The following STK33 variants were observed in gnomAD, a reference collection of about 807,000 sequenced individuals.
STK33 encodes the protein serine/threonine-protein kinase 33.
In STK33, 52 loss-of-function variants were observed where a neutral mutation model predicts 58.0. That is an observed-to-expected ratio of 0.90 (90% CI 0.72 to 1.13). STK33 has a LOEUF of 1.13. Ranked by LOEUF, STK33 falls within the 50% of genes most tolerant of loss-of-function variation. The pLI, the probability that STK33 is intolerant of heterozygous loss-of-function variation, is 0.00. For synonymous variants in STK33, 215 were observed against 200.1 expected (o/e 1.07, Z -0.63); for missense variants, 630 against 604.2 (o/e 1.04, Z -0.45).
At position 8,480,442 on chromosome 11, in the gene STK33, G is replaced by T. The variant is rs577734693; in HGVS notation, c.-293C>A. On this transcript the variant is annotated 5_prime_UTR_variant, in exon 2 of 16. Transcript: ENST00000687296. ...GTAGAGATTTCAATATTATAATGGG[G>T]ATCCAGATCAGACCAAACCAGTTAC... 6.6e-6 allele frequency: 1 copy of T among 152,280 alleles called. No homozygotes were observed. Among genetic ancestry groups the T allele is most frequent in the Admixed American group, 6.5e-5 (1 of 15,288 alleles). 9.4% of individuals were successfully genotyped at this position (152,280 alleles called of 1,614,324 possible). A position where few individuals can be genotyped will look rare whatever the true frequency, so the allele number is the denominator to read the frequency against.
chr11:8,354,513 CA>C, the STK33 span, among the ~76,000 whole-genome samples: 6 of 144,018 alleles, frequency 4.2e-5, no homozygotes, highest in African/African-American at 1.5e-4. Flanking sequence ...CACACACACA[CA>C]CACCCCTCAG....
chr11:8,574,524 C>T (rs1190818810), intron 1 of STK33, among the ~76,000 whole-genome samples: 3 of 152,070 alleles, frequency 2.0e-5, no homozygotes, highest in Non-Finnish European at 4.4e-5. Context: ...CCCATATAGC[C>T]TTGCTAGTGA....
At chr11:8,503,111 T>C (rs1018354741) in intron 1 of STK33, among the ~76,000 whole-genome samples, 3 of 152,172 alleles carry the variant, frequency 2.0e-5, no homozygotes, top group Admixed American at 6.5e-5. Flanking sequence ...ATCCCATTAT[T>C]AGGTATACAC....
intron 8 of STK33, among the ~76,000 whole-genome samples, chr11:8,457,767 G>A (rs1054246410): frequency 6.6e-6 from 1 of 152,160 alleles, no homozygotes; most frequent in Admixed American, 6.5e-5. Context: ...TCTGTCTAAA[G>A]AATGCCCCTT....
At chr11:8,437,516 T>A (rs1944224324) in intron 12 of STK33, among the ~76,000 whole-genome samples, 1 of 152,246 alleles carries the variant, frequency 6.6e-6, no homozygotes, top group African/African-American at 2.4e-5. Context: ...CTCAGGAATA[T>A]ATTTTTATAC....
At chr11:8,524,760 G>A (rs897179166) in intron 1 of STK33, among the ~76,000 whole-genome samples, 21 of 152,016 alleles carry the variant, frequency 1.4e-4, no homozygotes, top group Admixed American at 5.9e-4. Context: ...AAGTTTCCAA[G>A]AACCTATCAA....
intron 15 of STK33, among the ~76,000 whole-genome samples, chr11:8,408,764 C>T (rs78344724): frequency 0.013 from 1,916 of 152,302 alleles, 48 homozygotes; most frequent in African/African-American, 0.045. Flanking sequence ...GGATGCAAAG[C>T]ACAACCAGCA....
chr11:8,429,332 A>G (rs903036120), intron 14 of STK33, among the ~76,000 whole-genome samples: 4 of 152,152 alleles, frequency 2.6e-5, no homozygotes, highest in Admixed American at 2.6e-4. Context: ...CTTTTTTGTT[A>G]TCATTCAAGC....
rs997873160 is a variant in STK33 at position 8,457,493 on chromosome 11, T to C, written c.559-14A>G. On this transcript the variant is annotated splice_polypyrimidine_tract_variant and intron_variant, in intron 8 of 15. Coordinates refer to ENST00000687296, the MANE Select transcript of STK33 (RefSeq NM_001352389.2). ...AAGGTACATTTTCTGACATTATATATATAAAAGAGAGAGAGAGCAAATTAT... is the reference window on the plus strand; with the variant it reads ...AAGGTACATTTTCTGACATTATATACATAAAAGAGAGAGAGAGCAAATTAT... 5.1e-6 allele frequency: 8 copies of C among 1,567,164 alleles called. No homozygotes were observed. Among genetic ancestry groups the C allele is most frequent in the Non-Finnish European group, 7.0e-6 (8 of 1,147,972 alleles).
intron 14 of STK33, among the ~76,000 whole-genome samples, chr11:8,433,528 T>C (rs1292562874): frequency 6.6e-6 from 1 of 152,218 alleles, no homozygotes. Context: ...TTCAAACTCA[T>C]ATATTCAATT....
At chr11:8,515,403 T>C (rs1013359826) in intron 1 of STK33, among the ~76,000 whole-genome samples, 2 of 152,168 alleles carry the variant, frequency 1.3e-5, no homozygotes, top group South Asian at 2.1e-4. Flanking sequence ...AGTATGGCAA[T>C]TGAATCATTA....
chr11:8,479,904 C>A (rs1426934720), intron 2 of STK33, among the ~76,000 whole-genome samples: 3 of 152,094 alleles, frequency 2.0e-5, no homozygotes, highest in Admixed American at 1.3e-4. Context: ...CCAGCACAGG[C>A]CCTTCCTTAT....
At chr11:8,382,512 A>G in the STK33 span, among the ~76,000 whole-genome samples, 13 of 152,222 alleles carry the variant, frequency 8.5e-5, no homozygotes, top group Non-Finnish European at 2.9e-5. Context: ...GATTCCTGAT[A>G]GTAGCATGGG....
intron 13 of STK33, among the ~76,000 whole-genome samples, 177 bp downstream of exon 13, chr11:8,435,850 G>C (rs1394198348): frequency 6.6e-6 from 1 of 152,110 alleles, no homozygotes; most frequent in African/African-American, 2.4e-5. Flanking sequence ...TTCCGTTTTT[G>C]AAAGTTTTGA....
intron 15 of STK33, among the ~76,000 whole-genome samples, chr11:8,412,562 T>G (rs1940439530): frequency 6.6e-6 from 1 of 152,198 alleles, no homozygotes; most frequent in Non-Finnish European, 1.5e-5. Context: ...CCAGCAATGC[T>G]GCACCTCCCT....
At chr11:8,336,830 G>A in the STK33 span, among the ~76,000 whole-genome samples, 7 of 152,246 alleles carry the variant, frequency 4.6e-5, no homozygotes, top group Middle Eastern at 3.2e-3. Flanking sequence ...TGGGGCCCGC[G>A]GGCTGCAAGG....
At chr11:8,355,998 G>C in the STK33 span, among the ~76,000 whole-genome samples, 1 of 152,196 alleles carries the variant, frequency 6.6e-6, no homozygotes, top group African/African-American at 2.4e-5. Flanking sequence ...GCTTCTCCTT[G>C]AGTAACAGGG....
the STK33 span, among the ~76,000 whole-genome samples, chr11:8,353,270 T>TA: frequency 2.0e-5 from 3 of 152,364 alleles, no homozygotes; most frequent in East Asian, 5.8e-4. Flanking sequence ...TGGTGCCGGC[T>TA]AAGCCTGTGG....
chr11:8,434,246 CAAAAAA>C (rs11330436), intron 14 of STK33: 50 of 94,120 alleles, frequency 5.3e-4, no homozygotes, highest in South Asian at 1.6e-3. Context: ...GACTCCGTCT[CAAAAAA>C]AAAAAAAAAA....
Sources: allele counts gnomAD v4.1 joint callset (sites outside exome capture counted in the v4.1 genomes callset), GRCh38; gene constraint gnomAD v4.1.1; transcripts MANE v1.5; gene names NCBI Gene and HGNC (gene_info 2026-07-23, HGNC 2026-07-21).